NUP188: variants seen among roughly 807,000 people sequenced by gnomAD.
NUP188 encodes nucleoporin 188.
In NUP188, 97 loss-of-function variants were observed where a neutral mutation model predicts 223.0. The observed-to-expected ratio is 0.43, with a 90% CI of 0.37 to 0.51. The LOEUF (loss-of-function observed/expected upper bound fraction) is 0.51, where lower values mean the gene tolerates loss of function less well. Ranked by LOEUF, NUP188 falls within the 20% of genes least tolerant of loss-of-function variation. The probability of loss-of-function intolerance (pLI) is 0.00; values close to 1 mark genes in which losing one functional copy is unlikely to be tolerated. For synonymous variants in NUP188, 869 were observed against 828.0 expected, an observed-to-expected ratio of 1.05 and a Z score of -0.85; for missense variants, 1,947 against 2,175.6, an observed-to-expected ratio of 0.89 and a Z score of 2.09.
intron 12 of NUP188, among the ~76,000 whole-genome samples, chr9:128,978,040 C>G (rs1290539795): frequency 6.6e-6 from 1 of 152,092 alleles, no homozygotes; most frequent in Non-Finnish European, 1.5e-5. Context: ...ACAGCAGACA[C>G]AACACACCCT....
intron 2 of NUP188, among the ~76,000 whole-genome samples, chr9:128,949,611 C>T (rs985747382): frequency 6.6e-6 from 1 of 151,126 alleles, no homozygotes; most frequent in African/African-American, 2.4e-5. Flanking sequence ...TGATTATAGG[C>T]GTGAGCCACC....
In NUP188 at chr9:129,001,929, T is replaced by G. The variant is rs538421260; in HGVS notation, c.4090T>G (p.Leu1364Val). ...AGAGITQSICLPLLSVYQLST... is the reference protein window; with the variant it reads ...AGAGITQSICVPLLSVYQLST... ...AGCTGGCATCACCCAGAGCATTTGT[T>G]TGCCCCTTCTGAGTGTGTACCAGCT... is the stretch of plus-strand genomic sequence containing the variant. The change falls in exon 36 of 44, where the codon TTG becomes GTG. Residue 1364 changes from leucine to valine, a missense_variant. Physicochemically the swap from Leu to Val is conservative, Grantham distance 32. Transcript: ENST00000372577. 1.9e-6 allele frequency: 3 copies of G among 1,614,190 alleles called. No individual in the cohort carries two copies. Among genetic ancestry groups the G allele is most frequent in the Non-Finnish European group, 2.5e-6 (3 of 1,180,018 alleles).
At chr9:128,973,798 G>A (rs779269113) in intron 12 of NUP188, among the ~76,000 whole-genome samples, 3 of 152,120 alleles carry the variant, frequency 2.0e-5, no homozygotes, top group Non-Finnish European at 2.9e-5. Flanking sequence ...ACATTTTGAT[G>A]TATTCCCTTC....
At chr9:128,982,809 A>G (rs1300789160) in intron 16 of NUP188, 93 bp from the exon 17 acceptor site, 36 of 1,588,056 alleles carry the variant, frequency 2.3e-5, no homozygotes, top group Non-Finnish European at 2.7e-5. Context: ...CAAGATTGTG[A>G]TTTGTCTGAT....
At position 129,001,947 on chromosome 9, in the gene NUP188, T is replaced by G; in HGVS notation, c.4108T>G (p.Tyr1370Asp). The change falls in exon 36 of 44, where the codon TAC becomes GAC. Residue 1370 changes from tyrosine (Y) to aspartate (D), a missense_variant. By Grantham distance (160) the Tyr-to-Asp change is radical (BLOSUM62 -3). Transcript: ENST00000372577. ...QSICLPLLSV[Y>D]QLSTNGTAQT... is the part of the protein sequence containing the mutation. ...CATTTGTTTGCCCCTTCTGAGTGTG[T>G]ACCAGCTGAGCACCAACGGCACAGC... is the stretch of plus-strand genomic sequence containing the variant. 1 of 1,614,168 alleles carries G rather than the reference T, an allele frequency of 6.2e-7. No individual in the cohort carries two copies. The highest frequency in any genetic ancestry group is 1.3e-5 in the African/African-American group (1 of 75,052).
At chr9:128,986,708 G>C (rs1588283888) in intron 21 of NUP188, 30 bp downstream of exon 21, 11 of 1,613,874 alleles carry the variant, frequency 6.8e-6, no homozygotes, top group Non-Finnish European at 9.3e-6. Flanking sequence ...GGAAGACCTG[G>C]GGATTTCTGG....
At chr9:128,949,310 C>CT in intron 2 of NUP188, 67 bp downstream of exon 2, 1 of 1,169,516 alleles carries the variant, frequency 8.6e-7, no homozygotes, top group East Asian at 2.4e-5. Flanking sequence ...CAAAAAAAAC[C>CT]TTTTTTTAAA....
chr9:129,004,811 TTTAC>T, intron 38 of NUP188: 1 of 306,458 alleles, frequency 3.3e-6, no homozygotes, highest in Admixed American at 4.6e-5. Flanking sequence ...CCTCATCTTC[TTTAC>T]TTTAGGACCT....
Position 128,987,683 on chromosome 9 carries a change from A to G in NUP188, c.2359A>G (p.Thr787Ala). The G allele has an allele frequency of 1.9e-6, 3 of 1,613,998 alleles. No homozygotes were observed. The highest frequency in any genetic ancestry group is 2.5e-6 in the Non-Finnish European group (3 of 1,179,954). ...VINIMGIGVD[T>A]IDMVMAAQPR... Reference sequence around the variant, plus strand: ...CAATATCATGGGCATTGGCGTGGACACCATTGACATGGTGATGGCTGCTCA... The same window carrying G: ...CAATATCATGGGCATTGGCGTGGACGCCATTGACATGGTGATGGCTGCTCA... Residue 787 changes from threonine (T) to alanine (A), a missense_variant, in exon 23 of 44, where the codon ACC (threonine) becomes GCC (alanine). Thr to Ala is a moderately conservative substitution (Grantham distance 58, BLOSUM62 0). Around this residue, in one of 3 missense-constraint regions of NUP188, gnomAD observed 225 missense variants for 319.1 expected, o/e 0.71. Transcript: ENST00000372577.
rs188939611 is a variant in NUP188, at chr9:129,005,763, A to T, written c.4856A>T (p.Asn1619Ile). 1 of 1,611,734 alleles carries T rather than the reference A, an allele frequency of 6.2e-7. No individual in the cohort carries two copies. The highest frequency in any genetic ancestry group is 1.1e-5 in the South Asian group (1 of 90,808). ...TLLATVNVAL[N>I]MLGELDKKKE... Reference sequence around the variant, plus strand: ...CTGGCCACAGTGAATGTGGCCCTCAACATGCTTGGAGAGGTAAGTTGGTTC... The same window carrying T: ...CTGGCCACAGTGAATGTGGCCCTCATCATGCTTGGAGAGGTAAGTTGGTTC... Residue 1619 changes from asparagine to isoleucine, a missense_variant, in exon 41 of 44, where the codon AAC becomes ATC. Transcript: ENST00000372577.
intron 38 of NUP188, 118 bp downstream of exon 38, chr9:129,003,572 C>T (rs1336134867): frequency 8.3e-7 from 1 of 1,203,814 alleles, no homozygotes; most frequent in South Asian, 1.2e-5. Context: ...GGGGCTTTTC[C>T]CTTGGGGAGC....
intron 8 of NUP188, among the ~76,000 whole-genome samples, chr9:128,961,887 T>A (rs975864363): frequency 1.3e-4 from 20 of 148,724 alleles, no homozygotes; most frequent in African/African-American, 3.5e-4. Flanking sequence ...TCCAAAGCGC[T>A]GGGATTACAG....
chr9:128,998,956 A>G (rs1471593402), intron 32 of NUP188, among the ~76,000 whole-genome samples: 1 of 149,246 alleles, frequency 6.7e-6, no homozygotes, highest in East Asian at 2.0e-4. Flanking sequence ...TCCCAGGTTC[A>G]AGTGATTCTC....
chr9:128,959,955 C>T (rs1474349034), intron 8 of NUP188, among the ~76,000 whole-genome samples: 1 of 151,556 alleles, frequency 6.6e-6, no homozygotes, highest in Non-Finnish European at 1.5e-5. Context: ...AGTTTACTTT[C>T]ATTTCTTACC....
chr9:128,989,822 ACT>A (rs1182960481), intron 24 of NUP188, among the ~76,000 whole-genome samples: 2 of 152,172 alleles, frequency 1.3e-5, no homozygotes, highest in Non-Finnish European at 2.9e-5. Context: ...ACTGAGTGAG[ACT>A]CTGTCTCAAA....
In NUP188 at chr9:128,954,950, T is replaced by C. The variant is rs149460910; in HGVS notation, c.162-1400T>C. On this transcript the variant is annotated intron_variant, in intron 3 of 43. Transcript: ENST00000372577. Reference sequence around the variant, plus strand: ...CTCACTGCAACCTTTGCCTCCTGGGTTCAAGCAATTCTGTCTCAGCCTCCC... The same window carrying C: ...CTCACTGCAACCTTTGCCTCCTGGGCTCAAGCAATTCTGTCTCAGCCTCCC... 2.4e-3 allele frequency among the ~76,000 whole-genome samples: 366 copies of C among 151,350 alleles called. 7 individuals are homozygous for C. In the East Asian group the frequency reaches 0.042, roughly 18 times the overall value.
chr9:128,994,794 G>C (rs1842491401), intron 28 of NUP188, 62 bp from the exon 29 acceptor site: 1 of 1,346,602 alleles, frequency 7.4e-7, no homozygotes. Context: ...TTCCCTGTTT[G>C]ATATACTGGG....
At chr9:128,998,307 C>T in intron 31 of NUP188, 79 bp downstream of exon 31, 1 of 1,284,062 alleles carries the variant, frequency 7.8e-7, no homozygotes, top group Non-Finnish European at 1.1e-6. Flanking sequence ...ATGAGTCTGC[C>T]AGCCAGCCGC....
chr9:128,987,088 AGTGT>A (rs376346210), intron 22 of NUP188, among the ~76,000 whole-genome samples: 1,191 of 113,198 alleles, frequency 0.011, 10 homozygotes, highest in South Asian at 0.044. Context: ...AGAGAGAGAG[AGTGT>A]GTGTGTGTGT....
Sources: gnomAD v4.1 joint callset for allele counts (sites outside exome capture counted in the v4.1 genomes callset) on GRCh38, gnomAD v4.1.1 for gene constraint, gnomAD v4.1.1 regional missense constraint, MANE v1.5 for transcripts, NCBI Gene and HGNC (gene_info 2026-07-23, HGNC 2026-07-21) for gene names.